DCUN1D3: variants seen among roughly 807,000 people sequenced by gnomAD.
The protein encoded by DCUN1D3 is defective in cullin neddylation 1 domain containing 3.
DCUN1D3 carries 6 observed loss-of-function variants against 24.8 expected under a neutral mutation model. The observed-to-expected ratio is 0.24, with a 90% CI of 0.13 to 0.48. The LOEUF (loss-of-function observed/expected upper bound fraction) is 0.48, where lower values mean the gene tolerates loss of function less well. Ranked by LOEUF, DCUN1D3 falls within the 20% of genes least tolerant of loss-of-function variation. The pLI is 0.99. For synonymous variants in DCUN1D3, 120 were observed against 144.9 expected (o/e 0.83, Z 1.24); for missense variants, 258 against 379.4 (o/e 0.68, Z 2.66).
At chr16:20,899,003 AAACAGATCACAC>A (rs1165393474) in intron 1 of DCUN1D3, among the ~76,000 whole-genome samples, 2 of 152,246 alleles carry the variant, frequency 1.3e-5, no homozygotes, top group African/African-American at 4.8e-5. Context: ...AACCAAAACT[AAACAGATCACAC>A]TGTCTCATTT....
Position 20,895,827 on chromosome 16 carries a change from T to C in DCUN1D3, c.-106+4377A>G, listed in dbSNP as rs77699405. On this transcript the variant is annotated intron_variant, in intron 1 of 2. Coordinates refer to ENST00000324344, the MANE Select transcript of DCUN1D3 (RefSeq NM_173475.4). ...CTAAACAGACACAAAGAGATAATTT[T>C]AAGTTATCAAGACCCGGGAAAACAG... 6.6e-3 allele frequency among the ~76,000 whole-genome samples: 1,010 copies of C among 152,308 alleles called. 6 individuals are homozygous for C. The highest frequency in any genetic ancestry group is 0.011 in the Non-Finnish European group (731 of 68,016).
chr16:20,870,767 T>C (rs890664216), intron 1 of DCUN1D3, among the ~76,000 whole-genome samples: 1 of 152,220 alleles, frequency 6.6e-6, no homozygotes, highest in Non-Finnish European at 1.5e-5. Flanking sequence ...AAAAAGCCCA[T>C]CTTTTCAACT....
Position 20,860,373 on chromosome 16 carries a change from C to A in DCUN1D3, c.432-4G>T, listed in dbSNP as rs373730831. 2 of 1,607,326 alleles carry A rather than the reference C, an allele frequency of 1.2e-6. No homozygotes were observed. Among genetic ancestry groups the A allele is most frequent in the Non-Finnish European group, 1.7e-6 (2 of 1,176,338 alleles). On this transcript the variant is annotated splice_polypyrimidine_tract_variant and splice_region_variant and intron_variant, in intron 2 of 2. Coordinates refer to ENST00000324344, the MANE Select transcript of DCUN1D3 (RefSeq NM_173475.4). The surrounding 1 kb of genome is among the most constrained non-coding windows in gnomAD (Gnocchi z 4.3). The stretch of plus-strand genomic sequence containing the variant: ...GCAGCCATCAAAAAACTCCTTCCTG[C>A]AACAGAAAGGAAAAGGACAATTAAT...
intron 1 of DCUN1D3, among the ~76,000 whole-genome samples, chr16:20,875,493 C>A (rs1280945401): frequency 6.6e-6 from 1 of 152,214 alleles, no homozygotes; most frequent in Non-Finnish European, 1.5e-5. Flanking sequence ...AACTCTCTAG[C>A]TCACACTTAA....
rs750451517 is a variant in DCUN1D3 at position 20,863,388 on chromosome 16, G to A, written c.-105-745C>T. Among the ~76,000 whole-genome samples the A allele has an allele frequency of 7.8e-4, 119 of 152,192 alleles. 11 individuals carry two copies. The highest frequency in any genetic ancestry group is 7.3e-5 in the Non-Finnish European group (5 of 68,034). On this transcript the variant is annotated intron_variant, in intron 1 of 2. Transcript: ENST00000324344. ...AATGCAAGCCAAGTCCACAATAAAT[G>A]TGATTGTCCTATAGGGCCTATAGGC...
At chr16:20,883,209 G>A (rs2081852997) in intron 1 of DCUN1D3, among the ~76,000 whole-genome samples, 1 of 152,180 alleles carries the variant, frequency 6.6e-6, no homozygotes, top group Non-Finnish European at 1.5e-5. Flanking sequence ...CTTTAAAAGT[G>A]TGTTTTTGAA....
Position 20,893,629 on chromosome 16 carries a change from G to A in DCUN1D3, c.-106+6575C>T, listed in dbSNP as rs140796158. On this transcript the variant is annotated intron_variant, in intron 1 of 2. Transcript: ENST00000324344. ...ACTTTTCACAGACTGAAGTAGTAAC[G>A]TGAAACAGAAGGAAAACAGCAAAAC... is the stretch of plus-strand genomic sequence containing the variant. 1.5e-3 allele frequency among the ~76,000 whole-genome samples: 231 copies of A among 152,216 alleles called. 1 individual carries two copies. Among genetic ancestry groups the A allele is most frequent in the African/African-American group, 5.3e-3 (221 of 41,534 alleles).
At chr16:20,900,168 G>C in intron 1 of DCUN1D3, 36 bp downstream of exon 1, 1 of 73,570 alleles carries the variant, frequency 1.4e-5, no homozygotes, top group Admixed American at 1.9e-4. Flanking sequence ...ATGCCCCCCC[G>C]CCTTTTCCTC....
intron 1 of DCUN1D3, among the ~76,000 whole-genome samples, chr16:20,897,461 G>A (rs2081921063): frequency 6.6e-6 from 1 of 152,176 alleles, no homozygotes; most frequent in Non-Finnish European, 1.5e-5. Flanking sequence ...TGAACTTTTA[G>A]TACCAACCTA....
Position 20,862,330 on chromosome 16 carries a change from G to A in DCUN1D3, c.209C>T (p.Thr70Met), listed in dbSNP as rs200201954. The change falls in exon 2 of 3, where the codon ACG becomes ATG. Residue 70 changes from threonine (T) to methionine (M), a missense_variant. Physicochemically the swap from Thr to Met is moderately conservative, Grantham distance 81. Transcript: ENST00000324344. Reference protein sequence around the residue: ...EAATEACQLPTSSGDAGRESK... With the variant: ...EAATEACQLPMSSGDAGRESK... ...CTCCCTCCCAGCATCTCCCGAGGAC[G>A]TTGGCAGCTGGCAGGCCTCAGTGGC... 2.7e-5 allele frequency: 44 copies of A among 1,614,208 alleles called. No homozygotes were observed. The highest frequency in any genetic ancestry group is 1.2e-4 in the African/African-American group (9 of 75,054).
Position 20,856,764 on chromosome 16 carries a change from C to T in DCUN1D3, c.*3122G>A, listed in dbSNP as rs2081704780. On this transcript the variant is annotated 3_prime_UTR_variant, in exon 3 of 3. Transcript: ENST00000324344. ...AGAGCAATTCAATGAAGCAGCACGT[C>T]ATCTCATACCATCTTTCCAATAAAC... 6.6e-6 allele frequency: 1 copy of T among 152,152 alleles called. No homozygotes were observed. Among genetic ancestry groups the T allele is most frequent in the African/African-American group, 2.4e-5 (1 of 41,428 alleles). The allele number at this position is 152,152 out of a possible 1,614,324, so 9.4% of individuals were successfully genotyped here.
chr16:20,855,734 ACT>A lies in DCUN1D3; in HGVS notation c.*4150_*4151del, dbSNP rs757118311. ...CAATTACAGCTTACCAGGGGAATAAACTCTGAGGGGGATGGATGGTTCGGAAC... is the reference window on the plus strand; with the variant it reads ...CAATTACAGCTTACCAGGGGAATAAACTGAGGGGGATGGATGGTTCGGAAC... On this transcript the variant is annotated 3_prime_UTR_variant, in exon 3 of 3. Transcript: ENST00000324344. The A allele has an allele frequency of 6.6e-6, 1 of 152,206 alleles. No homozygotes were observed. The highest frequency in any genetic ancestry group is 1.5e-5 in the Non-Finnish European group (1 of 68,042). 9.4% of individuals were successfully genotyped at this position (152,206 alleles called of 1,614,324 possible).
In DCUN1D3 at chr16:20,868,890, T is replaced by C. The variant is rs896503919; in HGVS notation, c.-105-6247A>G. 2.0e-5 allele frequency: 3 copies of C among 152,134 alleles called. No individual in the cohort carries two copies. The East Asian group carries it at 5.8e-4, about 29-fold the overall frequency. 9.4% of individuals were successfully genotyped at this position (152,134 alleles called of 1,614,324 possible). Reference sequence around the variant, plus strand: ...TCTTTTCTACTTATAGCTTTGAGTGTTTACCTGAAAGACCAAAGACAGCAG... The same window carrying C: ...TCTTTTCTACTTATAGCTTTGAGTGCTTACCTGAAAGACCAAAGACAGCAG... On this transcript the variant is annotated intron_variant, in intron 1 of 2. Transcript: ENST00000324344.
In DCUN1D3 at chr16:20,859,108, C is replaced by T. The variant is rs1339763549; in HGVS notation, c.*778G>A. On this transcript the variant is annotated 3_prime_UTR_variant, in exon 3 of 3. Transcript: ENST00000324344. ...TTCAATGCTTAAGTGGTTCTCAGTA[C>T]AATGTGTTCTTAAAAAATGCTCACT... 6.6e-6 allele frequency: 1 copy of T among 152,594 alleles called. No homozygotes were observed. Among genetic ancestry groups the T allele is most frequent in the Non-Finnish European group, 1.5e-5 (1 of 68,032 alleles). 9.5% of individuals were successfully genotyped at this position (152,594 alleles called of 1,614,324 possible).
rs1032673951 is a variant in DCUN1D3 at position 20,856,101 on chromosome 16, T to C, written c.*3785A>G. 2.6e-5 allele frequency: 4 copies of C among 152,234 alleles called. No homozygotes were observed. The highest frequency in any genetic ancestry group is 9.6e-5 in the African/African-American group (4 of 41,458). 9.4% of individuals were successfully genotyped at this position (152,234 alleles called of 1,614,324 possible). On this transcript the variant is annotated 3_prime_UTR_variant, in exon 3 of 3. Coordinates refer to ENST00000324344, the MANE Select transcript of DCUN1D3 (RefSeq NM_173475.4). ...ATTGCATAACTGAGTCTACACCTTT[T>C]GGGCTTTGCTGCACTGAAGACCTCA... is the stretch of plus-strand genomic sequence containing the variant.
At chr16:20,875,001 C>T (rs922864581) in intron 1 of DCUN1D3, among the ~76,000 whole-genome samples, 2 of 152,084 alleles carry the variant, frequency 1.3e-5, no homozygotes, top group Non-Finnish European at 2.9e-5. Flanking sequence ...TGCCCACTTC[C>T]CACCCACATG....
chr16:20,892,567 G>A (rs965214510), intron 1 of DCUN1D3, among the ~76,000 whole-genome samples: 1 of 152,202 alleles, frequency 6.6e-6, no homozygotes, highest in Non-Finnish European at 1.5e-5. Context: ...GCATGTCCAT[G>A]GTGGTTATTT....
rs768272245 is a variant in DCUN1D3, at chr16:20,856,231, T to TA, written c.*3654dup. ...CAATACATTAAGTATGGCAAAAACT[T>TA]ACTTTTGCACCAACCTAACAGATCT... On this transcript the variant is annotated 3_prime_UTR_variant, in exon 3 of 3. Transcript: ENST00000324344. 4.6e-5 allele frequency: 7 copies of TA among 152,200 alleles called. No individual in the cohort carries two copies. Among genetic ancestry groups the TA allele is most frequent in the Non-Finnish European group, 1.0e-4 (7 of 68,044 alleles). 9.4% of individuals were successfully genotyped at this position (152,200 alleles called of 1,614,324 possible). A position where few individuals can be genotyped will look rare whatever the true frequency, so the allele number is the denominator to read the frequency against.
chr16:20,862,875 A>G (rs899411961), intron 1 of DCUN1D3, among the ~76,000 whole-genome samples: 1 of 152,192 alleles, frequency 6.6e-6, no homozygotes, highest in African/African-American at 2.4e-5. Context: ...AAAATTCTTA[A>G]GGTAACATAG....
Sources: allele counts gnomAD v4.1 joint callset (sites outside exome capture counted in the v4.1 genomes callset), GRCh38; gene constraint gnomAD v4.1.1; non-coding constraint Gnocchi (gnomAD v3.1); transcripts MANE v1.5; gene names NCBI Gene and HGNC (gene_info 2026-07-23, HGNC 2026-07-21).